Variants in XPR1 observed in about 807,000 individuals in gnomAD.
The protein encoded by XPR1 is solute carrier family 53 member 1.
A neutral mutation model predicts 87.5 loss-of-function variants in XPR1; 28 were observed. The observed-to-expected ratio is 0.32, with a 90% CI of 0.24 to 0.44. The LOEUF (loss-of-function observed/expected upper bound fraction) is 0.44, where lower values mean the gene tolerates loss of function less well. Ranked by LOEUF, XPR1 falls within the 20% of genes least tolerant of loss-of-function variation. The probability of loss-of-function intolerance (pLI) is 1.00; values close to 1 mark genes in which losing one functional copy is unlikely to be tolerated. For missense variants in XPR1, 559 were observed against 862.3 expected, an observed-to-expected ratio of 0.65 and a Z score of 4.41; for synonymous variants, 300 against 306.1, an observed-to-expected ratio of 0.98 and a Z score of 0.21.
At chr1:180,748,591 T>C (rs1647379541) in intron 2 of XPR1, among the ~76,000 whole-genome samples, 1 of 151,796 alleles carries the variant, frequency 6.6e-6, no homozygotes, top group Non-Finnish European at 1.5e-5. Flanking sequence ...GCTAATTTTG[T>C]ATTTTTAGTA....
At chr1:180,804,739 A>AT (rs2102120465) in intron 4 of XPR1, among the ~76,000 whole-genome samples, 1 of 152,300 alleles carries the variant, frequency 6.6e-6, no homozygotes, top group South Asian at 2.1e-4. Flanking sequence ...TTAATATTCT[A>AT]TCATTTGAAG....
At chr1:180,770,547 G>A (rs957824647) in intron 2 of XPR1, among the ~76,000 whole-genome samples, 1 of 152,152 alleles carries the variant, frequency 6.6e-6, no homozygotes, top group Non-Finnish European at 1.5e-5. Flanking sequence ...AGGCTGGGGA[G>A]ACACACAGTC....
At chr1:180,674,459 A>G (rs374535698) in intron 1 of XPR1, among the ~76,000 whole-genome samples, 6 of 152,132 alleles carry the variant, frequency 3.9e-5, no homozygotes, top group East Asian at 3.9e-4. Flanking sequence ...AGGTTTCACC[A>G]TGTTGGCAAG....
intron 2 of XPR1, among the ~76,000 whole-genome samples, chr1:180,704,632 G>A (rs1657490377): frequency 6.6e-6 from 1 of 151,360 alleles, no homozygotes; most frequent in Non-Finnish European, 1.5e-5. Context: ...CCCTATTAAT[G>A]ATTAAATTCT....
intron 1 of XPR1, among the ~76,000 whole-genome samples, chr1:180,679,227 G>C (rs73051228): frequency 6.7e-6 from 1 of 149,736 alleles, no homozygotes; most frequent in African/African-American, 2.5e-5. Context: ...CAAAAAAAAC[G>C]GTGGGTTACC....
At chr1:180,855,522 G>GGGTGTGGTGGTGTGTGCCTGTA (rs1331816230) in intron 11 of XPR1, among the ~76,000 whole-genome samples, 20 of 152,024 alleles carry the variant, frequency 1.3e-4, no homozygotes, top group Non-Finnish European at 2.5e-4. Context: ...AAAATTAGCC[G>GGGTGTGGTGGTGTGTGCCTGTA]GGTGTGGTGG....
Position 180,668,946 on chromosome 1 carries a change from T to C in XPR1, c.70-13414T>C, listed in dbSNP as rs1203830830. ...CTCTACTAAAAATATAAAAATTAGC[T>C]GGGCTGCTGGCAGGCGCCTGTAATC... On this transcript the variant is annotated intron_variant, in intron 1 of 14. Coordinates refer to ENST00000367590, the MANE Select transcript of XPR1 (RefSeq NM_004736.4). 3.3e-5 allele frequency among the ~76,000 whole-genome samples: 5 copies of C among 151,848 alleles called. No individual in the cohort carries two copies. In the East Asian group the frequency reaches 9.7e-4, roughly 29 times the overall value.
chr1:180,863,928 C>T, intron 12 of XPR1, 54 bp downstream of exon 12: 1 of 1,467,470 alleles, frequency 6.8e-7, no homozygotes, highest in Non-Finnish European at 9.0e-7. Context: ...ATACCACTAG[C>T]TAATCCTGTT....
chr1:180,743,590 C>G (rs114553802), intron 2 of XPR1, among the ~76,000 whole-genome samples: 2 of 152,056 alleles, frequency 1.3e-5, no homozygotes, highest in African/African-American at 4.8e-5. Flanking sequence ...GTTGATTTTC[C>G]TTCATTCCTG....
intron 11 of XPR1, among the ~76,000 whole-genome samples, chr1:180,845,755 C>T (rs1651658862): frequency 3.1e-4 from 1 of 3,222 alleles, no homozygotes; most frequent in South Asian, 0.045. Flanking sequence ...ACTCAGTCTT[C>T]CAAAGCTGAC....
intron 1 of XPR1, among the ~76,000 whole-genome samples, chr1:180,640,312 A>G (rs771010072): frequency 3.3e-5 from 5 of 152,206 alleles, no homozygotes; most frequent in Admixed American, 6.5e-5. Flanking sequence ...CGCTTACTGT[A>G]TCAGGCACTG....
chr1:180,645,395 C>G (rs574611521), intron 1 of XPR1, among the ~76,000 whole-genome samples: 2 of 152,146 alleles, frequency 1.3e-5, no homozygotes, highest in Admixed American at 6.5e-5. Flanking sequence ...GTTCACTTGT[C>G]GCTCCCATAA....
chr1:180,783,022 CATCTT>C (rs1389709173), intron 2 of XPR1, among the ~76,000 whole-genome samples: 17 of 152,088 alleles, frequency 1.1e-4, no homozygotes, highest in Admixed American at 1.0e-3. Context: ...TTATAGGAAA[CATCTT>C]ATAATAGAAA....
chr1:180,658,087 C>T (rs530495542), intron 1 of XPR1, among the ~76,000 whole-genome samples: 66 of 152,104 alleles, frequency 4.3e-4, no homozygotes, highest in Admixed American at 1.7e-3. Flanking sequence ...TTTTTCAGAT[C>T]GTTTGCTGTT....
intron 1 of XPR1, among the ~76,000 whole-genome samples, chr1:180,636,407 G>A (rs1018564517): frequency 4.6e-5 from 7 of 152,228 alleles, no homozygotes; most frequent in Middle Eastern, 3.2e-3. Flanking sequence ...ATTTACAAAT[G>A]TTTCTTAAGT....
intron 9 of XPR1, among the ~76,000 whole-genome samples, chr1:180,826,080 A>G (rs1353168739): frequency 1.3e-5 from 2 of 152,046 alleles, no homozygotes; most frequent in East Asian, 3.9e-4. Flanking sequence ...ATTGACTTTG[A>G]TTCTTGTTTA....
intron 13 of XPR1, among the ~76,000 whole-genome samples, chr1:180,876,366 T>G (rs910458350): frequency 1.1e-4 from 16 of 152,226 alleles, no homozygotes; most frequent in African/African-American, 3.9e-4. Flanking sequence ...CCAGGCACGG[T>G]GGTTCACACC....
At chr1:180,849,808 A>C (rs1232139697) in intron 11 of XPR1, among the ~76,000 whole-genome samples, 1 of 152,164 alleles carries the variant, frequency 6.6e-6, no homozygotes, top group Non-Finnish European at 1.5e-5. Context: ...GTAAGTTTTC[A>C]TAGAGAGGAA....
At chr1:180,744,108 G>A (rs1355006837) in intron 2 of XPR1, among the ~76,000 whole-genome samples, 1 of 152,136 alleles carries the variant, frequency 6.6e-6, no homozygotes, top group Non-Finnish European at 1.5e-5. Context: ...TGACATGAAT[G>A]TTAGACTTTT....
Sources: allele counts gnomAD v4.1 joint callset (sites outside exome capture counted in the v4.1 genomes callset), GRCh38; gene constraint gnomAD v4.1.1; transcripts MANE v1.5; gene names NCBI Gene and HGNC (gene_info 2026-07-23, HGNC 2026-07-21).